Variants in RBFOX1 observed in about 807,000 individuals in gnomAD.
RBFOX1 encodes RNA binding protein fox-1 homolog 1.
RBFOX1 carries 8 observed loss-of-function variants against 57.7 expected under a neutral mutation model. The ratio of observed to expected loss-of-function variants is 0.14; its 90% CI spans 0.08 to 0.25. The LOEUF (loss-of-function observed/expected upper bound fraction) is 0.25, where lower values mean the gene tolerates loss of function less well. Among genes scored for constraint, RBFOX1 ranks in the 10% least tolerant of loss-of-function variants. The pLI is 1.00. For synonymous variants in RBFOX1, 326 were observed against 222.4 expected, an observed-to-expected ratio of 1.47 and a Z score of -4.15; for missense variants, 611 against 548.5, an observed-to-expected ratio of 1.11 and a Z score of -1.14.
intron 3 of RBFOX1, among the ~76,000 whole-genome samples, chr16:5,728,020 G>C (rs565448967): frequency 1.3e-5 from 2 of 152,262 alleles, no homozygotes; most frequent in Non-Finnish European, 2.9e-5. Flanking sequence ...CACTTCTTTA[G>C]ATTCTAAATA....
chr16:5,538,192 C>G (rs961561905), intron 2 of RBFOX1, among the ~76,000 whole-genome samples: 2 of 152,136 alleles, frequency 1.3e-5, no homozygotes, highest in Non-Finnish European at 2.9e-5. Flanking sequence ...AGCCAAGAGG[C>G]CAAGACCCTG....
chr16:5,406,580 C>A (rs1455101009), intron 1 of RBFOX1, among the ~76,000 whole-genome samples: 1 of 152,042 alleles, frequency 6.6e-6, no homozygotes, highest in Non-Finnish European at 1.5e-5. Flanking sequence ...CTTTATTTCT[C>A]TCTCTCTCTC....
chr16:5,924,726 T>G (rs1360084740), intron 4 of RBFOX1, among the ~76,000 whole-genome samples: 1 of 152,208 alleles, frequency 6.6e-6, no homozygotes, highest in Admixed American at 6.5e-5. Flanking sequence ...ACACAAGTGG[T>G]CTAAGACACC....
chr16:6,505,644 T>C (rs1450655892), intron 2 of RBFOX1, among the ~76,000 whole-genome samples: 1 of 152,184 alleles, frequency 6.6e-6, no homozygotes, highest in African/African-American at 2.4e-5. Context: ...TCAAGAACTC[T>C]ACTCATTTAA....
chr16:5,253,514 A>G (rs2062508537), intron 1 of RBFOX1, among the ~76,000 whole-genome samples: 1 of 152,164 alleles, frequency 6.6e-6, no homozygotes, highest in Admixed American at 6.5e-5. Flanking sequence ...TGTCCTGGGT[A>G]TACTGAGCCT....
At chr16:5,892,937 G>C (rs1284592451) in intron 4 of RBFOX1, among the ~76,000 whole-genome samples, 1 of 152,160 alleles carries the variant, frequency 6.6e-6, no homozygotes, top group Admixed American at 6.5e-5. Context: ...TTACCCTAAA[G>C]CTGGCCTTCT....
At chr16:6,999,864 G>A (rs918554059) in intron 3 of RBFOX1, among the ~76,000 whole-genome samples, 3 of 152,034 alleles carry the variant, frequency 2.0e-5, no homozygotes, top group Non-Finnish European at 2.9e-5. Flanking sequence ...TTGAGGTCAG[G>A]AGTTTGAGAG....
chr16:6,098,949 A>C (rs1408174718), intron 1 of RBFOX1, among the ~76,000 whole-genome samples: 1 of 152,150 alleles, frequency 6.6e-6, no homozygotes, highest in Non-Finnish European at 1.5e-5. Flanking sequence ...TGCACTTCGT[A>C]AGCCACCTTC....
chr16:6,487,819 T>C (rs2095540227), intron 2 of RBFOX1, among the ~76,000 whole-genome samples: 1 of 148,548 alleles, frequency 6.7e-6, no homozygotes, highest in African/African-American at 2.5e-5. Context: ...ATGTCTGGAA[T>C]TCTAGATTCA....
At chr16:6,546,895 G>C (rs2096903985) in intron 2 of RBFOX1, among the ~76,000 whole-genome samples, 1 of 152,160 alleles carries the variant, frequency 6.6e-6, no homozygotes, top group Non-Finnish European at 1.5e-5. Flanking sequence ...GTCCATGCTT[G>C]GTTTGTGGAC....
downstream of RBFOX1, among the ~76,000 whole-genome samples, chr16:5,604,589 C>T (rs72763278): frequency 0.057 from 8,649 of 152,226 alleles, 357 homozygotes; most frequent in African/African-American, 0.12. Flanking sequence ...CCAACATAAT[C>T]ATGGCATGCC....
intron 4 of RBFOX1, among the ~76,000 whole-genome samples, chr16:7,140,071 G>A (rs2073253624): frequency 6.6e-6 from 1 of 151,084 alleles, no homozygotes; most frequent in South Asian, 2.1e-4. Context: ...AGAATGGTAG[G>A]CTCTGTCTAG....
intron 4 of RBFOX1, among the ~76,000 whole-genome samples, chr16:5,983,582 A>T (rs2060217043): frequency 6.6e-6 from 1 of 152,182 alleles, no homozygotes; most frequent in Non-Finnish European, 1.5e-5. Context: ...CCTGGGCAGG[A>T]GGATGGCTCA....
At chr16:6,850,132 A>T (rs913018382) in intron 3 of RBFOX1, among the ~76,000 whole-genome samples, 1 of 152,174 alleles carries the variant, frequency 6.6e-6, no homozygotes, top group East Asian at 1.9e-4. Flanking sequence ...GTAAACTTAC[A>T]AGTTCCTGCA....
At chr16:6,379,917 C>G (rs1044383746) in intron 2 of RBFOX1, among the ~76,000 whole-genome samples, 4 of 152,046 alleles carry the variant, frequency 2.6e-5, no homozygotes, top group African/African-American at 9.7e-5. Flanking sequence ...GGAAAGGGGC[C>G]TGATGGAGAA....
At chr16:6,853,411 T>G (rs111463750) in intron 3 of RBFOX1, among the ~76,000 whole-genome samples, 3,382 of 152,288 alleles carry the variant, frequency 0.022, 135 homozygotes, top group African/African-American at 0.076. Flanking sequence ...GAGTTACTGA[T>G]AGTGCCTGCC....
chr16:7,409,903 A>G (rs955266639), intron 4 of RBFOX1, among the ~76,000 whole-genome samples: 5 of 152,168 alleles, frequency 3.3e-5, no homozygotes, highest in Non-Finnish European at 5.9e-5. Flanking sequence ...GCAATGTCTT[A>G]AATGAGGGGA....
intron 2 of RBFOX1, among the ~76,000 whole-genome samples, chr16:6,613,003 A>ATGTGTGTGTGTGTG (rs57236292): frequency 1.3e-4 from 18 of 143,160 alleles, no homozygotes; most frequent in African/African-American, 3.9e-4. Flanking sequence ...CAGTCCCAGC[A>ATGTGTGTGTGTGTG]TGTGTGTGTG....
intron 4 of RBFOX1, among the ~76,000 whole-genome samples, chr16:5,903,464 G>C (rs992789328): frequency 1.3e-5 from 2 of 152,142 alleles, no homozygotes; most frequent in African/African-American, 4.8e-5. Context: ...TACAGTTGCT[G>C]TGTGCTCCTC....
Sources: allele counts gnomAD v4.1 joint callset (sites outside exome capture counted in the v4.1 genomes callset), GRCh38; gene constraint gnomAD v4.1.1; transcripts MANE v1.5; gene names NCBI Gene and HGNC (gene_info 2026-07-23, HGNC 2026-07-21).